Variants in N4BP2 observed in about 807,000 individuals in gnomAD.
N4BP2 encodes NEDD4 binding protein 2, also known as NEDD4-binding protein 2.
N4BP2 carries 91 observed loss-of-function variants against 152.8 expected under a neutral mutation model. The observed-to-expected ratio is 0.60, with a 90% CI of 0.50 to 0.71. The LOEUF (loss-of-function observed/expected upper bound fraction) is 0.71, where lower values mean the gene tolerates loss of function less well. Among genes scored for constraint, N4BP2 ranks in the 30% least tolerant of loss-of-function variants. N4BP2 has a pLI of 0.00. For synonymous variants in N4BP2, 646 were observed against 705.3 expected (o/e 0.92, Z 1.33); for missense variants, 1,923 against 2,059.1 (o/e 0.93, Z 1.28).
At chr4:40,164,561 A>G in the N4BP2 span, among the ~76,000 whole-genome samples, 1 of 152,276 alleles carries the variant, frequency 6.6e-6, no homozygotes, top group East Asian at 1.9e-4. Context: ...CTTCACATGG[A>G]TAGGATCTGA....
chr4:40,173,572 G>A, the N4BP2 span, among the ~76,000 whole-genome samples: 1 of 152,176 alleles, frequency 6.6e-6, no homozygotes. Context: ...ATCAGATGGA[G>A]GTGAAGGGAA....
chr4:40,071,724 G>T (rs890354450), intron 1 of N4BP2, among the ~76,000 whole-genome samples: 1 of 151,442 alleles, frequency 6.6e-6, no homozygotes, highest in South Asian at 2.1e-4. Context: ...TCGCCACCAC[G>T]CCCAGCTAAT....
At chr4:40,122,370 A>G in intron 9 of N4BP2, 61 bp downstream of exon 9, 1 of 1,177,320 alleles carries the variant, frequency 8.5e-7, no homozygotes. Context: ...AGAGGGTTCT[A>G]TTTTGTATTT....
In N4BP2 at chr4:40,103,348, AG is replaced by A. The variant is rs1715896479; in HGVS notation, c.1373+132del. The A allele has an allele frequency of 5.1e-5, 37 of 731,948 alleles. No homozygotes were observed. In the East Asian group the frequency reaches 9.5e-4, roughly 19 times the overall value. The allele number at this position is 731,948 out of a possible 1,614,324, so 45.3% of individuals were successfully genotyped here. A position where few individuals can be genotyped will look rare whatever the true frequency, so the allele number is the denominator to read the frequency against. On this transcript the variant is annotated intron_variant, in intron 4 of 17. Transcript: ENST00000261435. ...CCCCTAAAATGTTTTCTTTTTACTA[AG>A]GTTTCCTAACTTTGTGTAGCTAATA...
intron 12 of N4BP2, among the ~76,000 whole-genome samples, chr4:40,131,317 G>A (rs933655683): frequency 1.3e-5 from 2 of 152,124 alleles, no homozygotes; most frequent in African/African-American, 4.8e-5. Flanking sequence ...AACTAAATTT[G>A]TGGCCTACTT....
intron 12 of N4BP2, among the ~76,000 whole-genome samples, chr4:40,128,844 AAT>A (rs1491221684): frequency 1.4e-4 from 20 of 147,100 alleles, no homozygotes; most frequent in Middle Eastern, 3.5e-3. Flanking sequence ...TTAAAAAAAA[AAT>A]AAATAAATAA....
At chr4:40,068,493 C>T (rs1711781843) in intron 1 of N4BP2, among the ~76,000 whole-genome samples, 1 of 152,122 alleles carries the variant, frequency 6.6e-6, no homozygotes. Flanking sequence ...CTTTTGTATT[C>T]AATGTAACAT....
At chr4:40,103,325 C>A in intron 4 of N4BP2, 107 bp downstream of exon 4, 1 of 938,694 alleles carries the variant, frequency 1.1e-6, no homozygotes, top group East Asian at 2.5e-5. Context: ...TTTAGTAACC[C>A]CTAAAATGTT....
the N4BP2 span, among the ~76,000 whole-genome samples, chr4:40,169,569 A>T: frequency 2.0e-5 from 3 of 151,788 alleles, no homozygotes; most frequent in Non-Finnish European, 4.4e-5. Context: ...TTGTAAAGAA[A>T]AAAAGGGAAA....
At chr4:40,168,195 A>ATATAAGC in the N4BP2 span, among the ~76,000 whole-genome samples, 1 of 152,158 alleles carries the variant, frequency 6.6e-6, no homozygotes, top group African/African-American at 2.4e-5. Context: ...TTAATAGTAA[A>ATATAAGC]TATAAGCAAG....
chr4:40,127,852 G>A (rs1408583822), intron 12 of N4BP2, among the ~76,000 whole-genome samples: 3 of 151,980 alleles, frequency 2.0e-5, no homozygotes, highest in African/African-American at 4.8e-5. Flanking sequence ...TAGTAGAGAC[G>A]GGGTTTCACC....
chr4:40,127,161 T>C (rs1239429277), intron 12 of N4BP2, among the ~76,000 whole-genome samples: 1 of 151,806 alleles, frequency 6.6e-6, no homozygotes, highest in East Asian at 1.9e-4. Context: ...AATGCTGGAA[T>C]TAAAGGCATG....
the N4BP2 span, among the ~76,000 whole-genome samples, chr4:40,174,351 A>G: frequency 6.6e-6 from 1 of 152,122 alleles, no homozygotes; most frequent in East Asian, 1.9e-4. Context: ...AATTAAAAAT[A>G]GAATTACTAG....
chr4:40,097,541 T>G lies in N4BP2; in HGVS notation c.201T>G (p.Tyr67Ter). 6.2e-7 allele frequency: 1 copy of G among 1,612,886 alleles called. No homozygotes were observed. ...CTGATCTGGATCCTGATGTAGTGTA[T>G]TTGATGCTTTCTGAATGTGATTTCA... Reference protein sequence around the residue: ...IFSDLDPDVVYLMLSECDFKV... With the variant: ...IFSDLDPDVV The change falls in exon 3 of 18, where the codon TAT becomes TAG. Residue 67 changes from tyrosine to a stop codon, truncating the protein, a stop_gained. Transcript: ENST00000261435. LOFTEE classifies it high-confidence loss of function.
chr4:40,091,087 A>G (rs913819692), intron 2 of N4BP2, among the ~76,000 whole-genome samples: 1 of 147,500 alleles, frequency 6.8e-6, no homozygotes, highest in Non-Finnish European at 1.5e-5. Context: ...ATGTATAAAT[A>G]CAGTTTCTTT....
intron 1 of N4BP2, among the ~76,000 whole-genome samples, chr4:40,072,646 C>A (rs1008774564): frequency 2.0e-5 from 3 of 151,910 alleles, no homozygotes; most frequent in Non-Finnish European, 2.9e-5. Flanking sequence ...TGTACCCCCC[C>A]AGGCCTCCCA....
At chr4:40,082,225 G>A (rs1486963682) in intron 2 of N4BP2, among the ~76,000 whole-genome samples, 6 of 143,630 alleles carry the variant, frequency 4.2e-5, no homozygotes, top group Non-Finnish European at 7.5e-5. Flanking sequence ...GCAGTGAGCC[G>A]AGATGGCGCC....
intron 16 of N4BP2, among the ~76,000 whole-genome samples, chr4:40,148,362 A>C (rs1390340017): frequency 2.0e-5 from 3 of 152,084 alleles, no homozygotes; most frequent in Non-Finnish European, 4.4e-5. Context: ...GAGGCAGGAG[A>C]ATCAGGCAGG....
In N4BP2 at chr4:40,131,851, G is replaced by A. The variant is rs753077715; in HGVS notation, c.4578G>A (p.Glu1526=). The part of the protein sequence containing the change: ...FEKDCATKLK[E]KQLFKIFPAI... Reference sequence around the variant, plus strand: ...AAGATTGTGCCACTAAACTAAAGGAGAAGCAGCTCTTTAAGATATTTCCAG... The same window carrying A: ...AAGATTGTGCCACTAAACTAAAGGAAAAGCAGCTCTTTAAGATATTTCCAG... Residue 1526 remains glutamate (E), a synonymous_variant, in exon 13 of 18, where the codon GAG becomes GAA. Transcript: ENST00000261435. 6.2e-7 allele frequency: 1 copy of A among 1,613,666 alleles called. No homozygotes were observed. Among genetic ancestry groups the A allele is most frequent in the Non-Finnish European group, 8.5e-7 (1 of 1,179,760 alleles).
Sources: gnomAD v4.1 joint callset for allele counts (sites outside exome capture counted in the v4.1 genomes callset) on GRCh38, gnomAD v4.1.1 for gene constraint, MANE v1.5 for transcripts, NCBI Gene and HGNC (gene_info 2026-07-23, HGNC 2026-07-21) for gene names.